Variants in CASK observed in about 807,000 individuals in gnomAD.
CASK encodes the protein peripheral plasma membrane protein CASK.
Under a neutral mutation model 82.9 loss-of-function variants are expected in CASK, and 4 were observed. That is an observed-to-expected ratio of 0.05 (90% CI 0.02 to 0.11). The LOEUF is 0.11. Ranked by LOEUF, CASK falls within the 10% of genes least tolerant of loss-of-function variation. The probability of loss-of-function intolerance (pLI) is 1.00; values close to 1 mark genes in which losing one functional copy is unlikely to be tolerated. For synonymous variants in CASK, 259 were observed against 253.5 expected (o/e 1.02, Z -0.20); for missense variants, 358 against 720.9 (o/e 0.50, Z 5.76).
At chrX:41,774,492 T>C (rs1202668709) in intron 3 of CASK, among the ~76,000 whole-genome samples, 2 of 111,281 alleles carry the variant, frequency 1.8e-5, no homozygotes, top group Admixed American at 1.9e-4. Flanking sequence ...GCCATCCCCA[T>C]CAAGCTACCA....
At chrX:41,762,009 G>A (rs780615268) in intron 3 of CASK, among the ~76,000 whole-genome samples, 1 of 112,198 alleles carries the variant, frequency 8.9e-6, no homozygotes, top group South Asian at 3.7e-4. Context: ...TACATGCCAA[G>A]TGCCATTTAA....
intron 1 of CASK, among the ~76,000 whole-genome samples, chrX:41,917,835 A>C (rs762211824): frequency 1.8e-5 from 2 of 111,795 alleles, no homozygotes; most frequent in Non-Finnish European, 3.8e-5. Context: ...TCCTAGGATC[A>C]TCAGGAATCA....
intron 2 of CASK, among the ~76,000 whole-genome samples, chrX:41,793,228 A>G (rs1158794947): frequency 1.8e-5 from 2 of 111,696 alleles, no homozygotes; most frequent in Non-Finnish European, 3.8e-5. Context: ...GTACATATAC[A>G]CATACATATA....
chrX:41,791,193 T>A (rs2069706251), intron 2 of CASK, among the ~76,000 whole-genome samples: 1 of 109,512 alleles, frequency 9.1e-6, no homozygotes, highest in Non-Finnish European at 1.9e-5. Context: ...GAACGGGTGG[T>A]GTTTAGTTAC....
chrX:41,918,416 A>G (rs982060510), intron 1 of CASK, among the ~76,000 whole-genome samples: 1 of 112,609 alleles, frequency 8.9e-6, no homozygotes, highest in Non-Finnish European at 1.9e-5. Flanking sequence ...CAACTTAACC[A>G]TACTCTTTTA....
At chrX:41,606,563 T>C (rs1168580356) in intron 12 of CASK, among the ~76,000 whole-genome samples, 1 of 111,305 alleles carries the variant, frequency 9.0e-6, no homozygotes, top group Non-Finnish European at 1.9e-5. Flanking sequence ...TAAACTTTCA[T>C]TTAGAAATAG....
chrX:41,892,091 G>C (rs893001807), intron 1 of CASK, among the ~76,000 whole-genome samples: 9 of 110,539 alleles, frequency 8.1e-5, no homozygotes, highest in African/African-American at 3.0e-4. Flanking sequence ...TACTTGAGAA[G>C]CTGAGATGGG....
intron 1 of CASK, among the ~76,000 whole-genome samples, chrX:41,884,445 T>G (rs754965627): frequency 4.5e-5 from 5 of 111,260 alleles, no homozygotes; most frequent in Non-Finnish European, 9.4e-5. Context: ...AAGGAAGGGG[T>G]AAGCATGTTC....
At chrX:41,674,729 T>C (rs1468870298) in intron 5 of CASK, among the ~76,000 whole-genome samples, 1 of 111,258 alleles carries the variant, frequency 9.0e-6, no homozygotes, top group Non-Finnish European at 1.9e-5. Flanking sequence ...CAAGAGGGAA[T>C]AAGGAATAAA....
In CASK at chrX:41,612,880, T is replaced by TG. The variant is rs1158128750; in HGVS notation, c.1034-2856dup. On this transcript the variant is annotated intron_variant, in intron 11 of 26. Coordinates refer to ENST00000378163, the MANE Select transcript of CASK (RefSeq NM_001367721.1). ...CCAGCCGCCCCGTCCGGGAGGGAGG[T>TG]GGGGGGGTCAGCCCCCCGCCCGGCC... Among the ~76,000 whole-genome samples the TG allele has an allele frequency of 1.3e-3, 58 of 45,467 alleles. 3 individuals carry two copies. Among genetic ancestry groups the TG allele is most frequent in the South Asian group, 0.013 (8 of 637 alleles). The allele number at this position is 45,467 out of a possible 115,157, so 39.5% of individuals were successfully genotyped here. A position where few individuals can be genotyped will look rare whatever the true frequency, so the allele number is the denominator to read the frequency against.
chrX:41,682,751 A>G (rs2067381255), intron 5 of CASK, among the ~76,000 whole-genome samples: 1 of 108,669 alleles, frequency 9.2e-6, no homozygotes, highest in African/African-American at 3.4e-5. Flanking sequence ...AGCTGGCACT[A>G]CAAGTGTGTG....
intron 5 of CASK, chrX:41,727,977 G>T: frequency 8.7e-7 from 1 of 1,154,066 alleles, no homozygotes; most frequent in Non-Finnish European, 1.2e-6. Context: ...AAACATTCAA[G>T]AAGACACTAT....
intron 1 of CASK, among the ~76,000 whole-genome samples, chrX:41,861,321 T>C (rs2071472518): frequency 9.0e-6 from 1 of 111,093 alleles, no homozygotes; most frequent in South Asian, 3.8e-4. Context: ...ACATCGATTC[T>C]AGGTCTTTGT....
intron 5 of CASK, chrX:41,689,778 T>C (rs1489817666): frequency 8.9e-6 from 1 of 112,277 alleles, no homozygotes; most frequent in African/African-American, 3.2e-5. Flanking sequence ...CCTGAATAGA[T>C]TCAGTCATTA....
At chrX:41,701,905 C>T (rs1474960958) in intron 5 of CASK, among the ~76,000 whole-genome samples, 2 of 112,129 alleles carry the variant, frequency 1.8e-5, no homozygotes, top group African/African-American at 6.5e-5. Flanking sequence ...TGTAGGGATG[C>T]AAGTTGGTAG....
chrX:41,640,877 G>A (rs1345836192), intron 8 of CASK, among the ~76,000 whole-genome samples: 1 of 107,036 alleles, frequency 9.3e-6, no homozygotes, highest in African/African-American at 3.4e-5. Context: ...GAGTCAAAAT[G>A]TATTTTTTTA....
chrX:41,626,353 GGAA>G (rs2066375402), intron 10 of CASK, among the ~76,000 whole-genome samples: 1 of 111,118 alleles, frequency 9.0e-6, no homozygotes, highest in African/African-American at 3.3e-5. Flanking sequence ...TGTGGAAAGG[GGAA>G]GAAGTATTAC....
intron 12 of CASK, among the ~76,000 whole-genome samples, chrX:41,592,826 G>A (rs775973820): frequency 9.0e-5 from 10 of 111,293 alleles, no homozygotes; most frequent in African/African-American, 1.3e-4. Flanking sequence ...ACAATCCTAC[G>A]CAGTTGGTTA....
chrX:41,653,846 A>C lies in CASK; in HGVS notation c.831+6593T>G, dbSNP rs747120552. On this transcript the variant is annotated intron_variant, in intron 8 of 26. Transcript: ENST00000378163. ...ACAGGCATGTTTGGGTTGATGCAGG[A>C]CCCACAGCTCACTACTGAACAATCA... Among the ~76,000 whole-genome samples the C allele has an allele frequency of 3.6e-5, 4 of 112,462 alleles. No homozygotes were observed. The South Asian group carries it at 1.1e-3, about 31-fold the overall frequency.
Sources: allele counts gnomAD v4.1 joint callset (sites outside exome capture counted in the v4.1 genomes callset), GRCh38; gene constraint gnomAD v4.1.1; transcripts MANE v1.5; gene names NCBI Gene and HGNC (gene_info 2026-07-23, HGNC 2026-07-21).